The following GCNT2 variants were observed in gnomAD, a reference collection of about 807,000 sequenced individuals.
GCNT2 encodes N-acetyllactosaminide beta-1,6-N-acetylglucosaminyl-transferase.
A neutral mutation model predicts 34.2 loss-of-function variants in GCNT2; 34 were observed. The ratio of observed to expected loss-of-function variants is 1.00; its 90% CI spans 0.76 to 1.32. The LOEUF is 1.32. GCNT2 is among the 40% of genes most tolerant of loss of function. The pLI is 0.00. For missense variants in GCNT2, 584 were observed against 489.4 expected (o/e 1.19, Z -1.82); for synonymous variants, 212 against 188.0 (o/e 1.13, Z -1.04).
At chr6:10,617,475 G>A (rs1200712198) in intron 3 of GCNT2, among the ~76,000 whole-genome samples, 1 of 152,212 alleles carries the variant, frequency 6.6e-6, no homozygotes, top group African/African-American at 2.4e-5. Flanking sequence ...CAGTGCAGCC[G>A]CGGGCTGAAG....
chr6:10,524,925 TC>T (rs1156710763), intron 1 of GCNT2, among the ~76,000 whole-genome samples: 6 of 151,702 alleles, frequency 4.0e-5, no homozygotes, highest in Admixed American at 1.3e-4. Flanking sequence ...AAGCTGTTCT[TC>T]CTCTGAGACT....
chr6:10,548,682 G>C (rs1457201300), intron 3 of GCNT2, among the ~76,000 whole-genome samples: 3 of 152,020 alleles, frequency 2.0e-5, no homozygotes, highest in African/African-American at 7.2e-5. Context: ...CATTATGTTT[G>C]TGAGATTCAC....
At chr6:10,596,103 C>A (rs908823797) in intron 3 of GCNT2, among the ~76,000 whole-genome samples, 3 of 152,230 alleles carry the variant, frequency 2.0e-5, no homozygotes, top group Non-Finnish European at 2.9e-5. Context: ...TATCCAACTT[C>A]ACCTTTTAGG....
chr6:10,568,945 A>G lies in GCNT2; in HGVS notation c.925+39109A>G, dbSNP rs374639755. On this transcript the variant is annotated intron_variant, in intron 3 of 4. Transcript: ENST00000495262. ...CTTTTTCTGGTCTTATTTTTTCCCAATTTTATACCTTTATAAACCTCTGTT... is the reference window on the plus strand; with the variant it reads ...CTTTTTCTGGTCTTATTTTTTCCCAGTTTTATACCTTTATAAACCTCTGTT... 3.1e-4 allele frequency among the ~76,000 whole-genome samples: 47 copies of G among 152,054 alleles called. No homozygotes were observed. In the South Asian group the frequency reaches 6.7e-3, roughly 22 times the overall value.
intron 3 of GCNT2, among the ~76,000 whole-genome samples, chr6:10,537,240 C>CTCT (rs1456206749): frequency 6.6e-6 from 1 of 152,162 alleles, no homozygotes; most frequent in Non-Finnish European, 1.5e-5. Context: ...ATTGTCTTCC[C>CTCT]TCTTCACTGA....
chr6:10,613,388 T>TC (rs1040459403), intron 3 of GCNT2, among the ~76,000 whole-genome samples: 3 of 152,066 alleles, frequency 2.0e-5, no homozygotes, highest in African/African-American at 7.3e-5. Flanking sequence ...CTTTTTTTTT[T>TC]GCCCTGTCCT....
At chr6:10,556,369 G>GA in intron 3 of GCNT2, 2 of 1,610,240 alleles carry the variant, frequency 1.2e-6, no homozygotes, top group Non-Finnish European at 8.5e-7. Context: ...AGTGAGTTTG[G>GA]AAAAAAGACT....
intron 3 of GCNT2, among the ~76,000 whole-genome samples, chr6:10,587,976 T>G (rs992196809): frequency 1.3e-5 from 2 of 152,202 alleles, no homozygotes; most frequent in Non-Finnish European, 1.5e-5. Flanking sequence ...CCAGCTCTTA[T>G]GTCTAGTGTC....
chr6:10,560,891 G>C (rs550207281), intron 3 of GCNT2, among the ~76,000 whole-genome samples: 3 of 152,274 alleles, frequency 2.0e-5, no homozygotes, highest in African/African-American at 7.2e-5. Flanking sequence ...AGGGGAACCA[G>C]GTAAAGTGGT....
intron 3 of GCNT2, among the ~76,000 whole-genome samples, chr6:10,569,027 G>T (rs1017795940): frequency 6.6e-6 from 1 of 151,742 alleles, no homozygotes; most frequent in Non-Finnish European, 1.5e-5. Context: ...TGTGAATATC[G>T]TATTACCGCG....
chr6:10,563,756 GAAAAAAAAAAA>G (rs55761102), intron 3 of GCNT2, among the ~76,000 whole-genome samples: 16 of 55,792 alleles, frequency 2.9e-4, no homozygotes, highest in African/African-American at 6.4e-4. Flanking sequence ...AAAGAAAAAA[GAAAAAAAAAAA>G]AAAAAAAAAA....
intron 3 of GCNT2, among the ~76,000 whole-genome samples, chr6:10,616,092 T>G (rs984685541): frequency 6.6e-6 from 1 of 152,224 alleles, no homozygotes; most frequent in African/African-American, 2.4e-5. Context: ...GTTTGTTCCC[T>G]CTAATGTTTG....
At chr6:10,556,620 T>C in intron 3 of GCNT2, 1 of 1,614,130 alleles carries the variant, frequency 6.2e-7, no homozygotes, top group Non-Finnish European at 8.5e-7. Context: ...AAACTAATGA[T>C]CCATGAGAAG....
At chr6:10,586,149 G>A in intron 3 of GCNT2, 1 of 1,614,184 alleles carries the variant, frequency 6.2e-7, no homozygotes, top group Non-Finnish European at 8.5e-7. Flanking sequence ...TCACGCCTTA[G>A]AGAAAATGCC....
At chr6:10,588,449 A>G (rs1764450757) in intron 3 of GCNT2, among the ~76,000 whole-genome samples, 1 of 152,218 alleles carries the variant, frequency 6.6e-6, no homozygotes, top group South Asian at 2.1e-4. Flanking sequence ...AGACTGAAGC[A>G]ATAGTATGTT....
chr6:10,560,448 G>A (rs1373113074), intron 3 of GCNT2, among the ~76,000 whole-genome samples: 1 of 152,038 alleles, frequency 6.6e-6, no homozygotes, highest in Non-Finnish European at 1.5e-5. Context: ...GTCCGTACAG[G>A]GTAAACATCT....
rs570684595 is a variant in GCNT2, at chr6:10,594,241, G to A, written c.926-27110G>A. Among the ~76,000 whole-genome samples the A allele has an allele frequency of 3.3e-5, 5 of 152,322 alleles. No individual in the cohort carries two copies. In the East Asian group the frequency reaches 9.6e-4, roughly 29 times the overall value. ...ATCTGGGGGCCACACTTTGAGAACT[G>A]CTGACACGGACCATCTTTTACAGAG... On this transcript the variant is annotated intron_variant, in intron 3 of 4. Transcript: ENST00000495262.
intron 3 of GCNT2, chr6:10,586,856 G>C: frequency 6.2e-7 from 1 of 1,614,066 alleles, no homozygotes. Context: ...TACTACAATG[G>C]TCAAAAGATA....
intron 3 of GCNT2, among the ~76,000 whole-genome samples, chr6:10,564,755 GTTA>G (rs1290651758): frequency 2.0e-5 from 3 of 150,734 alleles, no homozygotes; most frequent in Middle Eastern, 6.8e-3. Flanking sequence ...ATGAGTTATT[GTTA>G]TTGTATTTTC....
Sources: gnomAD v4.1 joint callset for allele counts (sites outside exome capture counted in the v4.1 genomes callset) on GRCh38, gnomAD v4.1.1 for gene constraint, MANE v1.5 for transcripts, NCBI Gene and HGNC (gene_info 2026-07-23, HGNC 2026-07-21) for gene names.